The following LIPE variants were observed in gnomAD, a reference collection of about 807,000 sequenced individuals.
The protein encoded by LIPE is hormone-sensitive lipase.
Under a neutral mutation model 88.5 loss-of-function variants are expected in LIPE, and 66 were observed. The ratio of observed to expected loss-of-function variants is 0.75; its 90% CI spans 0.61 to 0.91. The LOEUF (loss-of-function observed/expected upper bound fraction) is 0.91. Among genes scored for constraint, LIPE ranks in the 40% least tolerant of loss-of-function variants. The pLI is 0.00. For synonymous variants in LIPE, 570 were observed against 617.5 expected, an observed-to-expected ratio of 0.92 and a Z score of 1.14; for missense variants, 1,346 against 1,434.7, an observed-to-expected ratio of 0.94 and a Z score of 1.00.
At chr19:42,422,753 C>T (rs1300939908) in intron 1 of LIPE, among the ~76,000 whole-genome samples, 1 of 152,088 alleles carries the variant, frequency 6.6e-6, no homozygotes, top group African/African-American at 2.4e-5. Flanking sequence ...AGAAATGAGG[C>T]CTTCCCTTTT....
At chr19:42,423,229 G>A in intron 1 of LIPE, 1 of 338,152 alleles carries the variant, frequency 3.0e-6, no homozygotes, top group South Asian at 2.2e-5. Flanking sequence ...CCCTGTGCCA[G>A]GGTGGGCCTC....
rs1016232699 is a variant in LIPE, at chr19:42,408,859, T to C, written c.1420-537A>G. On this transcript the variant is annotated intron_variant, in intron 2 of 9. Transcript: ENST00000244289. This position sits in a 1 kb window ranked among gnomAD's most constrained non-coding sequence, Gnocchi z 4.3. The stretch of plus-strand genomic sequence containing the variant: ...AAAAGGTGAGCTCATGCTTGGTGCT[T>C]GACCTGGGTAGCGACAGTCAGGGGG... Among the ~76,000 whole-genome samples the C allele has an allele frequency of 1.3e-5, 2 of 150,262 alleles. No homozygotes were observed. Among genetic ancestry groups the C allele is most frequent in the African/African-American group, 4.9e-5 (2 of 40,966 alleles).
intron 1 of LIPE, chr19:42,411,213 C>A: frequency 1.3e-6 from 1 of 752,462 alleles, no homozygotes; most frequent in Non-Finnish European, 1.6e-6. Context: ...CCCTGGCCTC[C>A]TGAATCCGGA....
chr19:42,416,302 CCATTG>C (rs1261553712), intron 1 of LIPE, among the ~76,000 whole-genome samples: 1 of 152,160 alleles, frequency 6.6e-6, no homozygotes, highest in East Asian at 1.9e-4. Context: ...CGAGATCGTG[CCATTG>C]CACTCCAGCC....
Position 42,410,919 on chromosome 19 carries a change from T to C in LIPE, c.884-77A>G. The C allele has an allele frequency of 2.2e-6, 3 of 1,358,894 alleles. No individual in the cohort carries two copies. Among genetic ancestry groups the C allele is most frequent in the Non-Finnish European group, 3.0e-6 (3 of 1,004,062 alleles). The allele number at this position is 1,358,894 out of a possible 1,614,324, so 84.2% of individuals were successfully genotyped here. ...AGCTGGGGCCCAGGAGTCTGGGCCA[T>C]AGCTTACCCACTCCTCCTTCAAACC... is the stretch of plus-strand genomic sequence containing the variant. On this transcript the variant is annotated intron_variant, in intron 1 of 9. Coordinates refer to ENST00000244289, the MANE Select transcript of LIPE (RefSeq NM_005357.4). The surrounding 1 kb of genome is among the most constrained non-coding windows in gnomAD (Gnocchi z 6.1).
rs1301505609 is a variant in LIPE at position 42,406,577 on chromosome 19, G to C, written c.2138-189C>G. On this transcript the variant is annotated intron_variant, in intron 6 of 9. Transcript: ENST00000244289. This position sits in a 1 kb window ranked among gnomAD's most constrained non-coding sequence, Gnocchi z 5.7. Reference sequence around the variant, plus strand: ...CAGATTTGGGCTCATGTGGTAGACAGAGGGTCAGGATGACTCAGGACCTGG... The same window carrying C: ...CAGATTTGGGCTCATGTGGTAGACACAGGGTCAGGATGACTCAGGACCTGG... Among the ~76,000 whole-genome samples, 1 of 152,248 alleles carries C rather than the reference G, an allele frequency of 6.6e-6. No individual in the cohort carries two copies. The highest frequency in any genetic ancestry group is 6.5e-5 in the Admixed American group (1 of 15,286).
chr19:42,407,895 G>C lies in LIPE; in HGVS notation c.1656+81C>G. ...TCTTTCCCCTTGTGTGCCATCCCTG[G>C]GCCTGGAGCCCCACAGAGACCTACT... On this transcript the variant is annotated intron_variant, in intron 4 of 9. Coordinates refer to ENST00000244289, the MANE Select transcript of LIPE (RefSeq NM_005357.4). This position sits in a 1 kb window ranked among gnomAD's most constrained non-coding sequence, Gnocchi z 5.8. The C allele has an allele frequency of 6.4e-7, 1 of 1,568,604 alleles. No homozygotes were observed. The highest frequency in any genetic ancestry group is 8.6e-7 in the Non-Finnish European group (1 of 1,158,074).
chr19:42,421,267 C>T (rs2040592805), intron 1 of LIPE, among the ~76,000 whole-genome samples: 1 of 152,102 alleles, frequency 6.6e-6, no homozygotes, highest in Admixed American at 6.6e-5. Context: ...GGCTGAGCTC[C>T]CTCTGCACTG....
rs1454478481 is a variant in LIPE, at chr19:42,426,612, T to A, written c.538A>T (p.Thr180Ser). The change falls in exon 1 of 10, where the codon ACA (threonine) becomes TCA (serine). Residue 180 changes from threonine to serine, a missense_variant. Coordinates refer to ENST00000244289, the MANE Select transcript of LIPE (RefSeq NM_005357.4). ...SAPTESTSQE[T>S]PEQSDKQTTP... The stretch of plus-strand genomic sequence containing the variant: ...GTTTGCTTGTCTGACTGTTCAGGTG[T>A]CTCTTGGGACGTAGATTCAGTCGGG... 6.2e-7 allele frequency: 1 copy of A among 1,614,072 alleles called. No individual in the cohort carries two copies. Among genetic ancestry groups the A allele is most frequent in the African/African-American group, 1.3e-5 (1 of 74,926 alleles).
At position 42,423,519 on chromosome 19, in the gene LIPE, T is replaced by A. The variant is rs1204334915; in HGVS notation, c.883+2748A>T. Reference sequence around the variant, plus strand: ...CCATAGCGGCCTCGGCGGGCTCCGTTCCCCCGGCCAACTCCATCAATTCCC... The same window carrying A: ...CCATAGCGGCCTCGGCGGGCTCCGTACCCCCGGCCAACTCCATCAATTCCC... On this transcript the variant is annotated intron_variant, in intron 1 of 9. Transcript: ENST00000244289. 5 of 1,267,608 alleles carry A rather than the reference T, an allele frequency of 3.9e-6. No homozygotes were observed. The Admixed American group carries it at 1.0e-4, about 26-fold the overall frequency. 78.5% of individuals were successfully genotyped at this position (1,267,608 alleles called of 1,614,324 possible).
At chr19:42,411,192 G>A (rs1026484748) in intron 1 of LIPE, 16 of 539,728 alleles carry the variant, frequency 3.0e-5, no homozygotes, top group Non-Finnish European at 3.5e-5. Context: ...TTGGGACTCA[G>A]AAACTTGCTG....
intron 1 of LIPE, among the ~76,000 whole-genome samples, chr19:42,419,402 CT>C (rs2040552014): frequency 6.6e-6 from 1 of 152,238 alleles, no homozygotes; most frequent in South Asian, 2.1e-4. Context: ...GAGCTCTGCC[CT>C]TTGTCCTGTT....
intron 1 of LIPE, chr19:42,412,291 G>A (rs2040397887): frequency 1.0e-6 from 1 of 985,484 alleles, no homozygotes; most frequent in South Asian, 4.7e-5. Flanking sequence ...CCTAGAAGAA[G>A]GTATTTCCTT....
intron 1 of LIPE, among the ~76,000 whole-genome samples, chr19:42,419,042 G>T (rs945231645): frequency 6.6e-6 from 1 of 152,204 alleles, no homozygotes; most frequent in Admixed American, 6.5e-5. Flanking sequence ...ACTTTGGGAG[G>T]CTGAGGCCGG....
At chr19:42,402,248 G>C (rs1038932359) in intron 9 of LIPE, among the ~76,000 whole-genome samples, 173 bp from the exon 10 acceptor site, 10 of 151,990 alleles carry the variant, frequency 6.6e-5, no homozygotes. Context: ...TGGAGGGAAT[G>C]GGGGGAGTTG....
chr19:42,416,319 G>A (rs2040486971), intron 1 of LIPE, among the ~76,000 whole-genome samples: 4 of 152,098 alleles, frequency 2.6e-5, no homozygotes, highest in Admixed American at 2.6e-4. Flanking sequence ...ACTCCAGCCT[G>A]AGCAACAAGA....
intron 1 of LIPE, chr19:42,425,204 G>T (rs150780400): frequency 2.0e-4 from 32 of 162,014 alleles, no homozygotes; most frequent in Non-Finnish European, 4.1e-4. Context: ...ACTCCAGAAG[G>T]GTAAGGTACC....
At chr19:42,424,150 G>A (rs2040660694) in intron 1 of LIPE, 1 of 1,184,776 alleles carries the variant, frequency 8.4e-7, no homozygotes, top group African/African-American at 1.6e-5. Context: ...CGCTTTTCCT[G>A]GGGGATCTTT....
At position 42,416,063 on chromosome 19, in the gene LIPE, C is replaced by T. The variant is rs1422680626; in HGVS notation, c.884-5221G>A. Reference sequence around the variant, plus strand: ...GTAACATAAAAGTGCAGGGTGACGGCCGGGCATCGTGGCTCACGATTGTAA... The same window carrying T: ...GTAACATAAAAGTGCAGGGTGACGGTCGGGCATCGTGGCTCACGATTGTAA... On this transcript the variant is annotated intron_variant, in intron 1 of 9. Coordinates refer to ENST00000244289, the MANE Select transcript of LIPE (RefSeq NM_005357.4). 2.0e-5 allele frequency among the ~76,000 whole-genome samples: 3 copies of T among 152,272 alleles called. No homozygotes were observed. In the East Asian group the frequency reaches 5.8e-4, roughly 29 times the overall value.
Sources: gnomAD v4.1 joint callset for allele counts (sites outside exome capture counted in the v4.1 genomes callset) on GRCh38, gnomAD v4.1.1 for gene constraint, Gnocchi (gnomAD v3.1) non-coding constraint, MANE v1.5 for transcripts, NCBI Gene and HGNC (gene_info 2026-07-23, HGNC 2026-07-21) for gene names.